EPB41L4B: variants seen among roughly 807,000 people sequenced by gnomAD.
The protein encoded by EPB41L4B is band 4.1-like protein 4B.
In EPB41L4B, 30 loss-of-function variants were observed where a neutral mutation model predicts 112.5. The ratio of observed to expected loss-of-function variants is 0.27; its 90% CI spans 0.20 to 0.36. EPB41L4B has a LOEUF of 0.36. Ranked by LOEUF, EPB41L4B falls within the 10% of genes least tolerant of loss-of-function variation. The pLI, the probability that EPB41L4B is intolerant of heterozygous loss-of-function variation, is 1.00. For synonymous variants in EPB41L4B, 408 were observed against 439.7 expected, an observed-to-expected ratio of 0.93 and a Z score of 0.90; for missense variants, 1,024 against 1,133.3, an observed-to-expected ratio of 0.90 and a Z score of 1.38.
chr9:109,197,056 A>T (rs1376794503), intron 20 of EPB41L4B, among the ~76,000 whole-genome samples: 3 of 152,240 alleles, frequency 2.0e-5, no homozygotes, highest in Non-Finnish European at 4.4e-5. Context: ...ATTTTCCAGA[A>T]AATCAGAGAT....
intron 1 of EPB41L4B, among the ~76,000 whole-genome samples, chr9:109,302,826 T>C (rs1475443150): frequency 2.0e-5 from 3 of 152,108 alleles, no homozygotes; most frequent in Non-Finnish European, 4.4e-5. Flanking sequence ...AAAGATAAGA[T>C]TTCTCCTTCC....
intron 1 of EPB41L4B, among the ~76,000 whole-genome samples, chr9:109,319,255 G>A: frequency 6.6e-6 from 1 of 152,338 alleles, no homozygotes; most frequent in East Asian, 1.9e-4. Flanking sequence ...GGACCGCAGC[G>A]CCGGCCCAGC....
intron 15 of EPB41L4B, among the ~76,000 whole-genome samples, chr9:109,233,959 C>T (rs571737914): frequency 6.6e-6 from 1 of 152,140 alleles, no homozygotes; most frequent in Non-Finnish European, 1.5e-5. Context: ...TATTAAGGAG[C>T]ATGACTCAAG....
At position 109,254,011 on chromosome 9, in the gene EPB41L4B, G is replaced by GT. The variant is rs1192154864; in HGVS notation, c.1170-462dup. On this transcript the variant is annotated intron_variant, in intron 11 of 25. Coordinates refer to ENST00000374566, the MANE Select transcript of EPB41L4B (RefSeq NM_019114.5). ...TAAGGCTTTTTGGGTTTCAACCAAC[G>GT]TGACACCCGGCTGCAGATTCCAGGA... is the stretch of plus-strand genomic sequence containing the variant. Among the ~76,000 whole-genome samples the GT allele has an allele frequency of 2.6e-5, 4 of 152,290 alleles. No homozygotes were observed. The East Asian group carries it at 7.7e-4, about 29-fold the overall frequency.
At chr9:109,249,801 A>C (rs1198989712) in intron 13 of EPB41L4B, among the ~76,000 whole-genome samples, 1 of 151,868 alleles carries the variant, frequency 6.6e-6, no homozygotes. Context: ...ACCTCCTCCC[A>C]CCCTCCGGGG....
intron 1 of EPB41L4B, among the ~76,000 whole-genome samples, chr9:109,313,639 G>C (rs1837506285): frequency 6.6e-6 from 1 of 152,236 alleles, no homozygotes. Flanking sequence ...GAGGGTCAGA[G>C]TGCCAGGCAG....
At chr9:109,241,873 AAC>A (rs1564288335) in intron 15 of EPB41L4B, 2 of 1,557,326 alleles carry the variant, frequency 1.3e-6, no homozygotes. Flanking sequence ...ATGTAAGTGA[AAC>A]AACACAAGCA....
rs555749827 is a variant in EPB41L4B at position 109,284,357 on chromosome 9, T to C, written c.307-4436A>G. Among the ~76,000 whole-genome samples the C allele has an allele frequency of 2.0e-5, 3 of 152,308 alleles. No individual in the cohort carries two copies. In the East Asian group the frequency reaches 5.8e-4, roughly 29 times the overall value. ...GAATCCTTAGTCAAACCACTGTAAATTGGAAACCATCTATATTAGGATGAA... is the reference window on the plus strand; with the variant it reads ...GAATCCTTAGTCAAACCACTGTAAACTGGAAACCATCTATATTAGGATGAA... On this transcript the variant is annotated intron_variant, in intron 1 of 25. Transcript: ENST00000374566.
chr9:109,295,189 A>G (rs144860074), intron 1 of EPB41L4B, among the ~76,000 whole-genome samples: 219 of 152,274 alleles, frequency 1.4e-3, no homozygotes, highest in East Asian at 0.012. Context: ...GCACTCCTGG[A>G]CTTTGTGCCT....
chr9:109,256,773 T>C (rs905331329), intron 7 of EPB41L4B, among the ~76,000 whole-genome samples: 5 of 152,216 alleles, frequency 3.3e-5, no homozygotes, highest in African/African-American at 1.2e-4. Context: ...TGAAACCCCA[T>C]CTCTGCTAAA....
intron 24 of EPB41L4B, among the ~76,000 whole-genome samples, chr9:109,177,185 G>A (rs1224917093): frequency 4.6e-5 from 7 of 152,182 alleles, no homozygotes; most frequent in Admixed American, 4.6e-4. Context: ...GAGAACCAGG[G>A]CTAGCTGACA....
At chr9:109,288,896 C>A (rs1588213105) in intron 1 of EPB41L4B, among the ~76,000 whole-genome samples, 1 of 149,568 alleles carries the variant, frequency 6.7e-6, no homozygotes. Context: ...AAGACCTTGT[C>A]AAAAAAAAGG....
chr9:109,265,508 T>C (rs1275635954), intron 4 of EPB41L4B, among the ~76,000 whole-genome samples: 1 of 145,894 alleles, frequency 6.9e-6, no homozygotes, highest in Admixed American at 7.1e-5. Flanking sequence ...TGATGCAGTG[T>C]AACTGCAGAC....
chr9:109,289,356 C>T (rs557686533), intron 1 of EPB41L4B, among the ~76,000 whole-genome samples: 159 of 152,372 alleles, frequency 1.0e-3, no homozygotes, highest in African/African-American at 3.8e-3. Flanking sequence ...CCCGCACCCC[C>T]ATTCCTTTCT....
chr9:109,294,938 G>A (rs776679882), intron 1 of EPB41L4B, among the ~76,000 whole-genome samples: 34 of 152,312 alleles, frequency 2.2e-4, no homozygotes, highest in Admixed American at 9.8e-4. Flanking sequence ...TGTGGGCTGA[G>A]CCCTGACTTG....
chr9:109,258,327 G>C (rs1482421795), intron 6 of EPB41L4B, 30 bp from the exon 7 acceptor site: 1 of 1,604,298 alleles, frequency 6.2e-7, no homozygotes, highest in African/African-American at 1.3e-5. Context: ...GAGGAAAATA[G>C]GAGACATTGA....
chr9:109,240,196 G>T, intron 15 of EPB41L4B: 1 of 985,308 alleles, frequency 1.0e-6, no homozygotes, highest in Non-Finnish European at 1.2e-6. Flanking sequence ...AAACACATTT[G>T]TAAAAATGCT....
At chr9:109,277,019 C>T (rs894203367) in intron 2 of EPB41L4B, among the ~76,000 whole-genome samples, 1 of 152,168 alleles carries the variant, frequency 6.6e-6, no homozygotes, top group African/African-American at 2.4e-5. Context: ...AGGAGCAAGG[C>T]AGCCTATCTA....
At chr9:109,219,303 ACAGGCAAG>A (rs1237033829) in intron 15 of EPB41L4B, among the ~76,000 whole-genome samples, 61 of 152,348 alleles carry the variant, frequency 4.0e-4, no homozygotes, top group African/African-American at 1.4e-3. Context: ...TTTCTTTGTA[ACAGGCAAG>A]CAGGGCCTTA....
Sources: gnomAD v4.1 joint callset for allele counts (sites outside exome capture counted in the v4.1 genomes callset) on GRCh38, gnomAD v4.1.1 for gene constraint, MANE v1.5 for transcripts, NCBI Gene and HGNC (gene_info 2026-07-23, HGNC 2026-07-21) for gene names.